Variants in VPS50 observed in about 807,000 individuals in gnomAD.
VPS50 encodes VPS50 subunit of EARP/GARPII complex.
In VPS50, 70 loss-of-function variants were observed where a neutral mutation model predicts 139.7. The ratio of observed to expected loss-of-function variants is 0.50; its 90% CI spans 0.41 to 0.61. The LOEUF (loss-of-function observed/expected upper bound fraction) is 0.61, where lower values mean the gene tolerates loss of function less well. VPS50 is among the 20% of genes least tolerant of loss of function. The pLI is 0.00. For synonymous variants in VPS50, 365 were observed against 376.7 expected, an observed-to-expected ratio of 0.97 and a Z score of 0.36; for missense variants, 921 against 1,133.7, an observed-to-expected ratio of 0.81 and a Z score of 2.69.
intron 9 of VPS50, among the ~76,000 whole-genome samples, chr7:93,261,034 AG>A (rs1795654474): frequency 6.6e-6 from 1 of 152,236 alleles, no homozygotes; most frequent in Non-Finnish European, 1.5e-5. Context: ...TGTCATTAGT[AG>A]AAACTTGACG....
At chr7:93,265,510 T>G (rs1795814572) in intron 9 of VPS50, among the ~76,000 whole-genome samples, 1 of 152,200 alleles carries the variant, frequency 6.6e-6, no homozygotes, top group Non-Finnish European at 1.5e-5. Context: ...GGAGATGTTT[T>G]GAACATATTA....
intron 9 of VPS50, among the ~76,000 whole-genome samples, chr7:93,260,067 A>G (rs1345339185): frequency 6.6e-6 from 1 of 152,188 alleles, no homozygotes; most frequent in African/African-American, 2.4e-5. Flanking sequence ...TCTTTTGGAA[A>G]ATTTAAGTAT....
intron 9 of VPS50, among the ~76,000 whole-genome samples, chr7:93,266,328 A>T (rs1795843375): frequency 6.6e-6 from 1 of 152,320 alleles, no homozygotes; most frequent in East Asian, 1.9e-4. Context: ...TTATGTAGGA[A>T]ACTGATGCCC....
At chr7:93,295,039 A>G (rs1796767977) in intron 14 of VPS50, among the ~76,000 whole-genome samples, 1 of 152,170 alleles carries the variant, frequency 6.6e-6, no homozygotes, top group Non-Finnish European at 1.5e-5. Context: ...AGGTCAGATT[A>G]TAGTTTAGAA....
Position 93,257,377 on chromosome 7 carries a change from A to G in VPS50, c.352-17A>G, listed in dbSNP as rs1795518548. The G allele has an allele frequency of 2.0e-6, 3 of 1,477,226 alleles. No homozygotes were observed. The highest frequency in any genetic ancestry group is 2.8e-6 in the Non-Finnish European group (3 of 1,057,984). The allele number at this position is 1,477,226 out of a possible 1,614,324, so 91.5% of individuals were successfully genotyped here. ...TAAAATACCTCCAACAATAACCTGT[A>G]CCTAATCTTCCCATAGGAACTTGAA... On this transcript the variant is annotated splice_polypyrimidine_tract_variant and intron_variant, in intron 5 of 27. Transcript: ENST00000305866.
chr7:93,245,974 C>A, intron 2 of VPS50: 1 of 643,912 alleles, frequency 1.6e-6, no homozygotes, highest in South Asian at 1.8e-5. Flanking sequence ...GAGATAAAAT[C>A]TATTTCTGTT....
At chr7:93,356,336 C>T in intron 27 of VPS50, 1 of 238,894 alleles carries the variant, frequency 4.2e-6, no homozygotes, top group Non-Finnish European at 8.0e-6. Flanking sequence ...ACAGCCAAAG[C>T]CAAGACATTA....
chr7:93,296,341 A>G (rs1203257483), intron 14 of VPS50, among the ~76,000 whole-genome samples: 1 of 152,174 alleles, frequency 6.6e-6, no homozygotes, highest in East Asian at 1.9e-4. Context: ...TATTATGCAT[A>G]AAAAGAAAGG....
rs547556971 is a variant in VPS50 at position 93,237,010 on chromosome 7, G to C, written c.34-2856G>C. On this transcript the variant is annotated intron_variant, in intron 1 of 27. Coordinates refer to ENST00000305866, the MANE Select transcript of VPS50 (RefSeq NM_017667.4). ...CTGTCGCCCAGGCTGGAGTGCAGTG[G>C]AGCGATCTCGGCTCACTGCAAGCTC... Among the ~76,000 whole-genome samples the C allele has an allele frequency of 1.8e-3, 248 of 141,196 alleles. 1 individual carries two copies. The highest frequency in any genetic ancestry group is 6.4e-3 in the African/African-American group (240 of 37,628). The allele number at this position is 141,196 out of a possible 152,430, so 92.6% of individuals were successfully genotyped here. A position where few individuals can be genotyped will look rare whatever the true frequency, so the allele number is the denominator to read the frequency against.
chr7:93,262,100 C>G (rs34856594), intron 9 of VPS50, among the ~76,000 whole-genome samples: 21,903 of 152,032 alleles, frequency 0.14, 1,688 homozygotes, highest in South Asian at 0.2. Flanking sequence ...AATAAAATAG[C>G]ATAATAATAT....
intron 9 of VPS50, among the ~76,000 whole-genome samples, chr7:93,262,535 TAAG>T (rs1378045526): frequency 5.3e-5 from 8 of 152,238 alleles, no homozygotes; most frequent in Non-Finnish European, 7.3e-5. Flanking sequence ...CATGTGATAA[TAAG>T]AAGAATTGGT....
At chr7:93,334,285 T>A (rs1201702066) in intron 22 of VPS50, 88 bp downstream of exon 22, 3 of 761,492 alleles carry the variant, frequency 3.9e-6, no homozygotes, top group African/African-American at 1.8e-5. Flanking sequence ...TGTGTCTATA[T>A]GTATTGAGTA....
At chr7:93,238,928 C>T (rs1271252378) in intron 1 of VPS50, among the ~76,000 whole-genome samples, 1 of 151,994 alleles carries the variant, frequency 6.6e-6, no homozygotes, top group Non-Finnish European at 1.5e-5. Flanking sequence ...AGGCAGAGCA[C>T]TTTGTAATAA....
At chr7:93,265,202 A>G (rs1405477719) in intron 9 of VPS50, among the ~76,000 whole-genome samples, 1 of 152,148 alleles carries the variant, frequency 6.6e-6, no homozygotes, top group African/African-American at 2.4e-5. Flanking sequence ...ACACACATAT[A>G]TCTCTTTCCT....
chr7:93,316,365 C>CTGT (rs1797429495), intron 20 of VPS50, among the ~76,000 whole-genome samples: 1 of 152,060 alleles, frequency 6.6e-6, no homozygotes, highest in African/African-American at 2.4e-5. Context: ...AGCAGATTTG[C>CTGT]TGTTTTTAAA....
chr7:93,257,306 C>A, intron 5 of VPS50, 88 bp from the exon 6 acceptor site: 1 of 719,468 alleles, frequency 1.4e-6, no homozygotes, highest in South Asian at 1.7e-5. Flanking sequence ...TTCTTTGCAT[C>A]TGACTAGAGT....
chr7:93,321,915 T>C (rs1797624691), intron 20 of VPS50, among the ~76,000 whole-genome samples: 1 of 152,240 alleles, frequency 6.6e-6, no homozygotes, highest in Non-Finnish European at 1.5e-5. Context: ...TGTTAACAAG[T>C]AGTAGCTTAA....
chr7:93,238,723 A>T (rs1052736680), intron 1 of VPS50, among the ~76,000 whole-genome samples: 7 of 152,116 alleles, frequency 4.6e-5, no homozygotes, highest in African/African-American at 7.2e-5. Context: ...GATGGACATG[A>T]TCCAAGGGTT....
chr7:93,319,655 T>C (rs2117011039), intron 20 of VPS50, among the ~76,000 whole-genome samples: 1 of 152,294 alleles, frequency 6.6e-6, no homozygotes, highest in South Asian at 2.1e-4. Flanking sequence ...TAGCTATGAT[T>C]TCATTTTCAA....
Sources: gnomAD v4.1 joint callset for allele counts (sites outside exome capture counted in the v4.1 genomes callset) on GRCh38, gnomAD v4.1.1 for gene constraint, MANE v1.5 for transcripts, NCBI Gene and HGNC (gene_info 2026-07-23, HGNC 2026-07-21) for gene names.